SMYD2: variants seen among roughly 807,000 people sequenced by gnomAD.
SMYD2 encodes the protein SET and MYND domain containing 2, also known as N-lysine methyltransferase SMYD2.
SMYD2 carries 53 observed loss-of-function variants against 59.1 expected under a neutral mutation model. That is an observed-to-expected ratio of 0.90 (90% CI 0.72 to 1.13). The LOEUF is 1.13. Among genes scored for constraint, SMYD2 ranks in the 50% most tolerant of loss-of-function variants. SMYD2 has a pLI of 0.00. For synonymous variants in SMYD2, 208 were observed against 198.8 expected (o/e 1.05, Z -0.39); for missense variants, 494 against 544.7 (o/e 0.91, Z 0.93).
chr1:214,283,988 A>G (rs1159042204), intron 1 of SMYD2, among the ~76,000 whole-genome samples: 1 of 152,186 alleles, frequency 6.6e-6, no homozygotes, highest in African/African-American at 2.4e-5. Flanking sequence ...TCTCAACAGA[A>G]TGGGATTCTT....
rs769275348 is a variant in SMYD2, at chr1:214,332,044, G to A, written c.964G>A (p.Glu322Lys). 2.5e-6 allele frequency: 4 copies of A among 1,613,634 alleles called. No individual in the cohort carries two copies. The South Asian group carries it at 3.3e-5, about 13-fold the overall frequency. ...KSPSELLEIC[E>K]LSQEKMSSVF... is the part of the protein sequence containing the mutation. ...CCCTAGTGAGCTGCTGGAGATCTGC[G>A]AGCTCAGCCAGGAGAAGATGAGCTC... Residue 322 changes from glutamate to lysine, a missense_variant, in exon 10 of 12, where the codon GAG becomes AAG. Coordinates refer to ENST00000366957, the MANE Select transcript of SMYD2 (RefSeq NM_020197.3).
intron 1 of SMYD2, among the ~76,000 whole-genome samples, chr1:214,286,772 G>A (rs550683554): frequency 4.5e-5 from 6 of 134,296 alleles, no homozygotes; most frequent in Non-Finnish European, 6.4e-5. Flanking sequence ...AAAAAAAAGC[G>A]TATGAATACC....
chr1:214,324,516 G>C lies in SMYD2; in HGVS notation c.535-125G>C, dbSNP rs150403215. 1,157 of 781,056 alleles carry C rather than the reference G, an allele frequency of 1.5e-3. 13 individuals carry two copies. The African/African-American group carries it at 0.018, about 12-fold the overall frequency. 48.4% of individuals were successfully genotyped at this position (781,056 alleles called of 1,614,324 possible). A position where few individuals can be genotyped will look rare whatever the true frequency, so the allele number is the denominator to read the frequency against. On this transcript the variant is annotated intron_variant, in intron 5 of 11. Coordinates refer to ENST00000366957, the MANE Select transcript of SMYD2 (RefSeq NM_020197.3). ...TGAACGATAACATGGGCAAAAGAAA[G>C]GGTTTAAAACCACTACACCAAAACA...
chr1:214,336,856 T>G lies in SMYD2; in HGVS notation c.*72T>G, dbSNP rs1264937549. On this transcript the variant is annotated 3_prime_UTR_variant, in exon 12 of 12. Coordinates refer to ENST00000366957, the MANE Select transcript of SMYD2 (RefSeq NM_020197.3). The stretch of plus-strand genomic sequence containing the variant: ...CTTAAAGGATTTGAATATTTCAAAT[T>G]GCACACGTCACTCCAGCATCTCTGT... 1.6e-6 allele frequency: 2 copies of G among 1,287,694 alleles called. No individual in the cohort carries two copies. Among genetic ancestry groups the G allele is most frequent in the African/African-American group, 3.0e-5 (2 of 67,406 alleles). The allele number at this position is 1,287,694 out of a possible 1,614,324, so 79.8% of individuals were successfully genotyped here. A position where few individuals can be genotyped will look rare whatever the true frequency, so the allele number is the denominator to read the frequency against.
intron 5 of SMYD2, among the ~76,000 whole-genome samples, chr1:214,320,078 G>A (rs1285535584): frequency 6.6e-6 from 1 of 152,146 alleles, no homozygotes; most frequent in Admixed American, 6.5e-5. Context: ...AGAGGAGGAA[G>A]GGAAGAAGAA....
chr1:214,286,597 C>A (rs1261403218), intron 1 of SMYD2, among the ~76,000 whole-genome samples: 1 of 151,838 alleles, frequency 6.6e-6, no homozygotes, highest in Non-Finnish European at 1.5e-5. Flanking sequence ...ACAGTGAAAC[C>A]CTGTCTCCTC....
chr1:214,334,975 T>G (rs1215859223), intron 11 of SMYD2, among the ~76,000 whole-genome samples: 2 of 152,190 alleles, frequency 1.3e-5, no homozygotes, highest in Non-Finnish European at 2.9e-5. Flanking sequence ...TTTGGTTTGA[T>G]GGCGGCCCTG....
At chr1:214,296,232 G>C (rs1656725369) in intron 1 of SMYD2, among the ~76,000 whole-genome samples, 1 of 152,216 alleles carries the variant, frequency 6.6e-6, no homozygotes, top group Non-Finnish European at 1.5e-5. Context: ...TTTCTAACTT[G>C]TTGATCTTCA....
chr1:214,332,299 C>A, intron 10 of SMYD2, 107 bp downstream of exon 10: 1 of 1,323,616 alleles, frequency 7.6e-7, no homozygotes, highest in Non-Finnish European at 1.0e-6. Flanking sequence ...CCTAGCGCAG[C>A]TGCCTCTTCT....
At chr1:214,290,478 G>A (rs1383267689) in intron 1 of SMYD2, among the ~76,000 whole-genome samples, 1 of 152,202 alleles carries the variant, frequency 6.6e-6, no homozygotes, top group Non-Finnish European at 1.5e-5. Context: ...GAATTCATAA[G>A]TGCTTATCTT....
At chr1:214,332,336 G>A in intron 10 of SMYD2, 144 bp downstream of exon 10, 1 of 910,092 alleles carries the variant, frequency 1.1e-6, no homozygotes, top group Non-Finnish European at 1.6e-6. Flanking sequence ...AGGTGCTGGT[G>A]CAGGGCACTG....
intron 2 of SMYD2, among the ~76,000 whole-genome samples, chr1:214,308,378 A>C (rs1656947082): frequency 6.6e-6 from 1 of 152,226 alleles, no homozygotes; most frequent in Non-Finnish European, 1.5e-5. Flanking sequence ...AGCAGGCATA[A>C]AGGTTTAATA....
chr1:214,322,781 T>C lies in SMYD2; in HGVS notation c.535-1860T>C, dbSNP rs189988490. ...ATCCTTGAGCAAGTCACTTAATCAT[T>C]GAACCTTCCTGAGCCTCAATTTTCA... On this transcript the variant is annotated intron_variant, in intron 5 of 11. Transcript: ENST00000366957. Among the ~76,000 whole-genome samples the C allele has an allele frequency of 1.8e-4, 28 of 152,320 alleles. No individual in the cohort carries two copies. The East Asian group carries it at 3.7e-3, about 20-fold the overall frequency.
At chr1:214,300,559 C>T (rs1351507652) in intron 1 of SMYD2, among the ~76,000 whole-genome samples, 2 of 152,176 alleles carry the variant, frequency 1.3e-5, no homozygotes, top group Non-Finnish European at 2.9e-5. Context: ...GGAGCCGGGG[C>T]ATTATGCAGA....
At chr1:214,313,351 G>A (rs907520725) in intron 2 of SMYD2, among the ~76,000 whole-genome samples, 3 of 151,674 alleles carry the variant, frequency 2.0e-5, no homozygotes, top group Non-Finnish European at 2.9e-5. Flanking sequence ...TCCTGACCTC[G>A]GGTGATCCGC....
chr1:214,326,107 G>A (rs564827399), intron 6 of SMYD2, among the ~76,000 whole-genome samples: 115 of 151,756 alleles, frequency 7.6e-4, no homozygotes, highest in African/African-American at 2.5e-3. Flanking sequence ...GCATGGTGGC[G>A]CACACCTGTA....
intron 2 of SMYD2, among the ~76,000 whole-genome samples, chr1:214,307,437 G>C (rs1656932575): frequency 6.6e-6 from 1 of 152,200 alleles, no homozygotes. Flanking sequence ...GCATAGTTTT[G>C]ATTTAAGGGG....
chr1:214,311,682 A>G (rs1657001220), intron 2 of SMYD2, among the ~76,000 whole-genome samples: 1 of 152,148 alleles, frequency 6.6e-6, no homozygotes, highest in Non-Finnish European at 1.5e-5. Flanking sequence ...TTACAGTACC[A>G]TTAATTTTAA....
chr1:214,320,237 CA>C (rs1378035665), intron 5 of SMYD2, among the ~76,000 whole-genome samples: 1 of 152,050 alleles, frequency 6.6e-6, no homozygotes, highest in Non-Finnish European at 1.5e-5. Context: ...GATGACATAA[CA>C]TTAAGTATCA....
Sources: gnomAD v4.1 joint callset for allele counts (sites outside exome capture counted in the v4.1 genomes callset) on GRCh38, gnomAD v4.1.1 for gene constraint, MANE v1.5 for transcripts, NCBI Gene and HGNC (gene_info 2026-07-23, HGNC 2026-07-21) for gene names.